The following ST18 variants were observed in gnomAD, a reference collection of about 807,000 sequenced individuals.
ST18 encodes the protein ST18 C2H2C-type zinc finger transcription factor, also known as suppression of tumorigenicity 18 protein.
ST18 carries 50 observed loss-of-function variants against 110.0 expected under a neutral mutation model. The observed-to-expected ratio is 0.45, with a 90% CI of 0.36 to 0.58. ST18 has a LOEUF of 0.58. Ranked by LOEUF, ST18 falls within the 20% of genes least tolerant of loss-of-function variation. ST18 has a pLI of 0.00. For synonymous variants in ST18, 461 were observed against 452.4 expected (o/e 1.02, Z -0.24); for missense variants, 1,306 against 1,280.1 (o/e 1.02, Z -0.31).
intron 2 of ST18, among the ~76,000 whole-genome samples, chr8:52,236,195 G>C (rs971829259): frequency 6.6e-6 from 1 of 152,090 alleles, no homozygotes; most frequent in African/African-American, 2.4e-5. Flanking sequence ...TGAAGGCATC[G>C]GACTAGACAT....
chr8:52,333,592 T>C (rs1810633011), intron 2 of ST18, among the ~76,000 whole-genome samples: 1 of 152,020 alleles, frequency 6.6e-6, no homozygotes, highest in Non-Finnish European at 1.5e-5. Context: ...GAAAGAAAAC[T>C]GGGGTGGGGG....
chr8:52,202,791 C>T (rs1035218443), intron 8 of ST18, among the ~76,000 whole-genome samples: 1 of 152,086 alleles, frequency 6.6e-6, no homozygotes, highest in Non-Finnish European at 1.5e-5. Context: ...TCAGAAGTAG[C>T]ATTAGGTGTA....
intron 3 of ST18, among the ~76,000 whole-genome samples, chr8:52,228,128 T>C (rs1564183922): frequency 2.0e-5 from 3 of 152,232 alleles, no homozygotes; most frequent in African/African-American, 4.8e-5. Context: ...TCTTCTCTTA[T>C]GTTGAAAACA....
intron 8 of ST18, chr8:52,210,137 A>G (rs1459082109): frequency 2.2e-6 from 1 of 456,186 alleles, no homozygotes; most frequent in Admixed American, 2.3e-5. Flanking sequence ...GAACCAAGAA[A>G]CCACTCCAGG....
At position 52,279,263 on chromosome 8, in the gene ST18, A is replaced by C. The variant is rs556061773; in HGVS notation, c.-464-49186T>G. ...AATTAAGCATAACATCTAGGAATAA[A>C]AAATATAACAAATAAAATAAGAACC... is the stretch of plus-strand genomic sequence containing the variant. On this transcript the variant is annotated intron_variant, in intron 2 of 25. Transcript: ENST00000689386. 1.6e-3 allele frequency among the ~76,000 whole-genome samples: 238 copies of C among 152,292 alleles called. 2 individuals are homozygous for C. The highest frequency in any genetic ancestry group is 5.5e-3 in the African/African-American group (228 of 41,574).
At chr8:52,130,157 A>AAG in intron 22 of ST18, among the ~76,000 whole-genome samples, 1 of 149,584 alleles carries the variant, frequency 6.7e-6, no homozygotes, top group African/African-American at 2.5e-5. Context: ...GAAAGAAAGA[A>AAG]AGAAAGAAAA....
chr8:52,340,844 A>G lies in ST18; in HGVS notation c.-465+68484T>C, dbSNP rs574720987. On this transcript the variant is annotated intron_variant, in intron 2 of 25. Coordinates refer to ENST00000689386, the MANE Select transcript of ST18 (RefSeq NM_001352837.2). ...TTAATTGTGTAGTGAGAAACAAAAA[A>G]CCGCGAAGTGCCTGCAGTGAACCTT... Among the ~76,000 whole-genome samples, 40 of 152,298 alleles carry G rather than the reference A, an allele frequency of 2.6e-4. 1 individual carries two copies. In the South Asian group the frequency reaches 8.1e-3, roughly 31 times the overall value.
In ST18 at chr8:52,226,812, T is replaced by C. The variant is rs956378109; in HGVS notation, c.-419+3220A>G. Among the ~76,000 whole-genome samples the C allele has an allele frequency of 7.2e-5, 11 of 152,216 alleles. No homozygotes were observed. The South Asian group carries it at 8.3e-4, about 11-fold the overall frequency. On this transcript the variant is annotated intron_variant, in intron 3 of 25. Coordinates refer to ENST00000689386, the MANE Select transcript of ST18 (RefSeq NM_001352837.2). ...TTCACAAATAAAGCTTTTTATTATG[T>C]AAAGAGAATTTTCTCTATTTAAGCT...
chr8:52,400,562 C>A (rs1029362123), intron 2 of ST18, among the ~76,000 whole-genome samples: 18 of 151,834 alleles, frequency 1.2e-4, no homozygotes, highest in African/African-American at 4.1e-4. Context: ...AGCTTTGATT[C>A]CCTTTTCTTC....
chr8:52,267,625 T>C (rs1216883434), intron 2 of ST18, among the ~76,000 whole-genome samples: 1 of 152,180 alleles, frequency 6.6e-6, no homozygotes, highest in East Asian at 1.9e-4. Flanking sequence ...ATATACCTAT[T>C]CTTAGCCAAA....
At chr8:52,260,759 G>C (rs1367155190) in intron 2 of ST18, among the ~76,000 whole-genome samples, 4 of 152,074 alleles carry the variant, frequency 2.6e-5, no homozygotes, top group Admixed American at 6.6e-5. Flanking sequence ...TCTTAAACTA[G>C]TTTATTCCCC....
At chr8:52,270,115 T>C (rs1318485385) in intron 2 of ST18, among the ~76,000 whole-genome samples, 1 of 152,186 alleles carries the variant, frequency 6.6e-6, no homozygotes, top group East Asian at 1.9e-4. Context: ...ATGACAATAA[T>C]TTGTTTTATT....
intron 8 of ST18, among the ~76,000 whole-genome samples, chr8:52,190,318 C>T (rs2074047103): frequency 6.6e-6 from 1 of 152,240 alleles, no homozygotes; most frequent in Non-Finnish European, 1.5e-5. Flanking sequence ...ATCCAATACA[C>T]TTCTATGTCC....
rs74941463 is a variant in ST18, at chr8:52,272,933, T to C, written c.-464-42856A>G. 5.3e-3 allele frequency among the ~76,000 whole-genome samples: 813 copies of C among 152,312 alleles called. 7 individuals are homozygous for C. Among genetic ancestry groups the C allele is most frequent in the African/African-American group, 0.018 (769 of 41,574 alleles). On this transcript the variant is annotated intron_variant, in intron 2 of 25. Coordinates refer to ENST00000689386, the MANE Select transcript of ST18 (RefSeq NM_001352837.2). Reference sequence around the variant, plus strand: ...AAAGAAATGGGGAGTTATTCATCAATGTGCATAAAATTTCAGTCAAGCAAA... The same window carrying C: ...AAAGAAATGGGGAGTTATTCATCAACGTGCATAAAATTTCAGTCAAGCAAA...
intron 2 of ST18, among the ~76,000 whole-genome samples, chr8:52,400,596 T>C (rs1842556220): frequency 6.6e-6 from 1 of 152,084 alleles, no homozygotes; most frequent in Admixed American, 6.6e-5. Flanking sequence ...TTGTTATAGT[T>C]TTTTGCTTTG....
chr8:52,222,028 C>T (rs1241778984), intron 3 of ST18: 1 of 152,092 alleles, frequency 6.6e-6, no homozygotes, highest in Admixed American at 6.5e-5. Flanking sequence ...CATACACTAA[C>T]CTAAAACAAA....
chr8:52,127,180 T>A (rs1364333100), intron 22 of ST18, among the ~76,000 whole-genome samples: 4 of 152,206 alleles, frequency 2.6e-5, no homozygotes, highest in African/African-American at 9.6e-5. Flanking sequence ...AATGTGTGCT[T>A]AATTACTGTA....
At chr8:52,371,269 A>G (rs1308553215) in intron 2 of ST18, among the ~76,000 whole-genome samples, 2 of 152,248 alleles carry the variant, frequency 1.3e-5, no homozygotes, top group Non-Finnish European at 2.9e-5. Context: ...TAATATTGAG[A>G]GAATTTAATG....
intron 2 of ST18, among the ~76,000 whole-genome samples, chr8:52,299,798 C>T (rs73679037): frequency 0.14 from 21,409 of 152,190 alleles, 1,804 homozygotes; most frequent in African/African-American, 0.24. Context: ...GTAAGCTTCA[C>T]CTCTGGGTTA....
Sources: allele counts gnomAD v4.1 joint callset (sites outside exome capture counted in the v4.1 genomes callset), GRCh38; gene constraint gnomAD v4.1.1; transcripts MANE v1.5; gene names NCBI Gene and HGNC (gene_info 2026-07-23, HGNC 2026-07-21).